KCNJ10: variants seen among roughly 807,000 people sequenced by gnomAD.
The protein encoded by KCNJ10 is ATP-sensitive inward rectifier potassium channel 10.
KCNJ10 carries 9 observed loss-of-function variants against 22.2 expected under a neutral mutation model. That is an observed-to-expected ratio of 0.40 (90% confidence interval 0.24 to 0.71). The LOEUF (loss-of-function observed/expected upper bound fraction) is 0.71. Among genes scored for constraint, KCNJ10 ranks in the 30% least tolerant of loss-of-function variants. The probability of loss-of-function intolerance (pLI) is 0.35; values close to 1 mark genes in which losing one functional copy is unlikely to be tolerated. For synonymous variants in KCNJ10, 184 were observed against 187.3 expected (o/e 0.98, Z 0.15); for missense variants, 337 against 482.7 (o/e 0.70, Z 2.83).
rs771187154 is a variant in KCNJ10 at position 160,041,599 on chromosome 1, T to A, written c.934A>T (p.Thr312Ser). The stretch of plus-strand genomic sequence containing the variant: ...CTGGCTGACAGTGAGATGGCAGGTG[T>A]GAACTCGTAGCCCCAAAGGATCTCC... ...PEEILWGYEF[T>S]PAISLSASGK... The change falls in exon 2 of 2, where the codon ACA becomes TCA. Residue 312 changes from threonine (T) to serine (S), a missense_variant. Around this residue, in one of 3 missense-constraint regions of KCNJ10, gnomAD observed 165 missense variants for 281.5 expected, o/e 0.59. Coordinates refer to ENST00000644903, the MANE Select transcript of KCNJ10 (RefSeq NM_002241.5). This position sits in a 1 kb window ranked among gnomAD's most constrained non-coding sequence, Gnocchi z 4.4. 71 of 1,614,094 alleles carry A rather than the reference T, an allele frequency of 4.4e-5. No individual in the cohort carries two copies. In the Admixed American group the frequency reaches 8.5e-4, roughly 19 times the overall value.
intron 1 of KCNJ10, among the ~76,000 whole-genome samples, chr1:160,049,675 T>TTATATATATATATATATATA (rs57790887): frequency 2.1e-5 from 1 of 47,096 alleles, no homozygotes. Context: ...TTTTATTTAT[T>TTATATATATATATATATATA]TATATATATA....
chr1:160,047,280 A>G (rs1378342450), intron 1 of KCNJ10, among the ~76,000 whole-genome samples: 3 of 152,122 alleles, frequency 2.0e-5, no homozygotes, highest in African/African-American at 7.2e-5. Flanking sequence ...GCTTTTTGCT[A>G]CTTCGCTCCT....
In KCNJ10 at chr1:160,052,550, C is replaced by T. The variant is rs115521811; in HGVS notation, c.1-10018G>A. Among the ~76,000 whole-genome samples, 1,448 of 152,336 alleles carry T rather than the reference C, an allele frequency of 9.5e-3. 22 individuals carry two copies. Among genetic ancestry groups the T allele is most frequent in the African/African-American group, 0.033 (1,352 of 41,552 alleles). ...GAGATTAGGCTGGTCTCCACACCCACACTTATCTTAGACAGTTGAGCTAGG... is the reference window on the plus strand; with the variant it reads ...GAGATTAGGCTGGTCTCCACACCCATACTTATCTTAGACAGTTGAGCTAGG... On this transcript the variant is annotated intron_variant, in intron 1 of 1. Transcript: ENST00000644903.
At chr1:160,059,352 T>A (rs1244616249) in intron 1 of KCNJ10, among the ~76,000 whole-genome samples, 1 of 152,166 alleles carries the variant, frequency 6.6e-6, no homozygotes, top group African/African-American at 2.4e-5. Flanking sequence ...TTTCCCAAGA[T>A]CACACTGCTA....
chr1:160,054,550 C>T (rs1034329266), intron 1 of KCNJ10, among the ~76,000 whole-genome samples: 4 of 152,190 alleles, frequency 2.6e-5, no homozygotes, highest in Admixed American at 6.5e-5. Context: ...CTGTTGTTAC[C>T]GCTAAGACAT....
intron 1 of KCNJ10, among the ~76,000 whole-genome samples, chr1:160,061,821 C>T (rs988172806): frequency 6.6e-6 from 1 of 151,476 alleles, no homozygotes; most frequent in Non-Finnish European, 1.5e-5. Context: ...TGTGGACGTG[C>T]GATCTGTGTG....
At chr1:160,066,495 A>G (rs749451446) in intron 1 of KCNJ10, among the ~76,000 whole-genome samples, 3 of 152,176 alleles carry the variant, frequency 2.0e-5, no homozygotes, top group Non-Finnish European at 4.4e-5. Context: ...GAGAAAAGCA[A>G]TGGCCCACAA....
At chr1:160,058,618 G>T (rs1209352316) in intron 1 of KCNJ10, among the ~76,000 whole-genome samples, 1 of 152,162 alleles carries the variant, frequency 6.6e-6, no homozygotes, top group Non-Finnish European at 1.5e-5. Flanking sequence ...AGTCTTGGGA[G>T]AAAGGATGAA....
In KCNJ10 at chr1:160,042,548, C is replaced by CA. The variant is rs1557968243; in HGVS notation, c.1-17dup. Reference sequence around the variant, plus strand: ...CTGACGTCATCTGGAGGGAGCAAGACAGCATAATGGAGGTTATCGTAGAAA... The same window carrying CA: ...CTGACGTCATCTGGAGGGAGCAAGACAAGCATAATGGAGGTTATCGTAGAAA... On this transcript the variant is annotated splice_polypyrimidine_tract_variant and intron_variant, in intron 1 of 1. Coordinates refer to ENST00000644903, the MANE Select transcript of KCNJ10 (RefSeq NM_002241.5). The CA allele has an allele frequency of 1.2e-6, 2 of 1,612,096 alleles. No homozygotes were observed. The highest frequency in any genetic ancestry group is 1.7e-6 in the Non-Finnish European group (2 of 1,178,762).
rs1412370144 is a variant in KCNJ10, at chr1:160,061,121, A to T, written c.-1+8901T>A. 2.6e-5 allele frequency among the ~76,000 whole-genome samples: 4 copies of T among 152,124 alleles called. No homozygotes were observed. The East Asian group carries it at 7.7e-4, about 29-fold the overall frequency. ...CACCATGCCCCCACTCCTTCCCAAA[A>T]AAAGGTGGCTAAAAGACAGCTCTGT... is the stretch of plus-strand genomic sequence containing the variant. On this transcript the variant is annotated intron_variant, in intron 1 of 1. Coordinates refer to ENST00000644903, the MANE Select transcript of KCNJ10 (RefSeq NM_002241.5).
At chr1:160,050,412 C>T (rs1450105177) in intron 1 of KCNJ10, among the ~76,000 whole-genome samples, 1 of 152,094 alleles carries the variant, frequency 6.6e-6, no homozygotes, top group Non-Finnish European at 1.5e-5. Flanking sequence ...AGATTACAAG[C>T]ATGAGTCATC....
chr1:160,061,101 T>C (rs1649179933), intron 1 of KCNJ10, among the ~76,000 whole-genome samples: 2 of 152,054 alleles, frequency 1.3e-5, no homozygotes, highest in South Asian at 4.2e-4. Flanking sequence ...CCCCTCACCA[T>C]GCCCCCACTC....
chr1:160,048,889 C>T (rs1478575984), intron 1 of KCNJ10, among the ~76,000 whole-genome samples: 2 of 152,182 alleles, frequency 1.3e-5, no homozygotes, highest in Non-Finnish European at 2.9e-5. Context: ...GCCTCCTACT[C>T]ATCTCATGTC....
chr1:160,044,237 A>G (rs1047225541), intron 1 of KCNJ10, among the ~76,000 whole-genome samples: 4 of 152,218 alleles, frequency 2.6e-5, no homozygotes, highest in African/African-American at 9.7e-5. Context: ...AGACTGTTCA[A>G]CCAGACCTGG....
intron 1 of KCNJ10, among the ~76,000 whole-genome samples, chr1:160,049,646 T>C (rs1287337520): frequency 7.4e-6 from 1 of 135,378 alleles, no homozygotes; most frequent in African/African-American, 2.7e-5. Flanking sequence ...AATAAGGTCA[T>C]TGAAAGAAGG....
chr1:160,043,462 TATCATC>T (rs556668427), intron 1 of KCNJ10, among the ~76,000 whole-genome samples: 1 of 152,188 alleles, frequency 6.6e-6, no homozygotes, highest in South Asian at 2.1e-4. Context: ...TTTCATTTTT[TATCATC>T]ATCATCATCA....
In KCNJ10 at chr1:160,042,482, G is replaced by A; in HGVS notation, c.51C>T (p.Ser17=). The A allele has an allele frequency of 6.2e-7, 1 of 1,614,198 alleles. No homozygotes were observed. The highest frequency in any genetic ancestry group is 8.5e-7 in the Non-Finnish European group (1 of 1,180,046). ...VYYSQTTQTE[S]RPLMGPGIRR... ...GTATCCCTGGGCCCATTAGGGGCCGGCTTTCTGTCTGAGTGGTCTGACTGT... is the reference window on the plus strand; with the variant it reads ...GTATCCCTGGGCCCATTAGGGGCCGACTTTCTGTCTGAGTGGTCTGACTGT... Residue 17 remains serine, a synonymous_variant, in exon 2 of 2, where the codon AGC becomes AGT. Transcript: ENST00000644903.
chr1:160,059,286 G>A (rs957479204), intron 1 of KCNJ10, among the ~76,000 whole-genome samples: 3 of 152,294 alleles, frequency 2.0e-5, no homozygotes, highest in Middle Eastern at 3.4e-3. Flanking sequence ...TGGTCATCAC[G>A]TTTAATACCC....
At chr1:160,053,178 A>G (rs893498358) in intron 1 of KCNJ10, among the ~76,000 whole-genome samples, 14 of 152,056 alleles carry the variant, frequency 9.2e-5, no homozygotes. Context: ...AGTTGCCTCC[A>G]CAGCAGTCTG....
Sources: gnomAD v4.1 joint callset for allele counts (sites outside exome capture counted in the v4.1 genomes callset) on GRCh38, gnomAD v4.1.1 for gene constraint, gnomAD v4.1.1 regional missense constraint, Gnocchi (gnomAD v3.1) non-coding constraint, MANE v1.5 for transcripts, NCBI Gene and HGNC (gene_info 2026-07-23, HGNC 2026-07-21) for gene names.